Variants in FBXO21 observed in about 807,000 individuals in gnomAD.
FBXO21 encodes F-box only protein 21.
Under a neutral mutation model 76.6 loss-of-function variants are expected in FBXO21, and 32 were observed. That is an observed-to-expected ratio of 0.42 (90% CI 0.32 to 0.56). The LOEUF is 0.56. Ranked by LOEUF, FBXO21 falls within the 20% of genes least tolerant of loss-of-function variation. The probability of loss-of-function intolerance (pLI) is 0.16; values close to 1 mark genes in which losing one functional copy is unlikely to be tolerated. For missense variants in FBXO21, 586 were observed against 797.3 expected, an observed-to-expected ratio of 0.73 and a Z score of 3.19; for synonymous variants, 328 against 311.5, an observed-to-expected ratio of 1.05 and a Z score of -0.56.
intron 9 of FBXO21, among the ~76,000 whole-genome samples, chr12:117,165,049 GTCCAGTGGCT>G (rs555282726): frequency 9.5e-4 from 144 of 152,334 alleles, no homozygotes; most frequent in Middle Eastern, 6.8e-3. Context: ...TCCTTCTCTA[GTCCAGTGGCT>G]GGACTTGAAC....
In FBXO21 at chr12:117,146,297, C is replaced by T. The variant is rs371218324; in HGVS notation, c.1676-20G>A. 69 of 1,581,934 alleles carry T rather than the reference C, an allele frequency of 4.4e-5. No homozygotes were observed. The highest frequency in any genetic ancestry group is 1.1e-4 in the African/African-American group (8 of 73,792). On this transcript the variant is annotated intron_variant, in intron 11 of 11. Coordinates refer to ENST00000622495, the MANE Select transcript of FBXO21 (RefSeq NM_015002.3). The stretch of plus-strand genomic sequence containing the variant: ...AGTTTTCTGTTGGTAAAGAGGCACA[C>T]GGGCATTCTCATTACAATGTCCATT...
intron 11 of FBXO21, chr12:117,155,577 A>G (rs1193997302): frequency 3.3e-6 from 2 of 601,664 alleles, no homozygotes; most frequent in South Asian, 2.0e-5. Context: ...GCCCTGGGGG[A>G]GGGCGGGTAT....
chr12:117,175,615 C>T (rs1053747149), intron 4 of FBXO21, among the ~76,000 whole-genome samples: 1 of 152,216 alleles, frequency 6.6e-6, no homozygotes, highest in Non-Finnish European at 1.5e-5. Flanking sequence ...AGTGTTGCCA[C>T]CAGCCAGGGA....
chr12:117,173,511 A>T (rs1956139064), intron 6 of FBXO21, among the ~76,000 whole-genome samples: 2 of 152,266 alleles, frequency 1.3e-5, no homozygotes, highest in Admixed American at 6.5e-5. Flanking sequence ...AACTAGGCAG[A>T]AAGCAAATAA....
rs1956285177 is a variant in FBXO21 at position 117,186,548 on chromosome 12, G to A, written c.399C>T (p.Asp133=). ...TCTCTGGTCCTTCAAGGTTCTCAAT[G>A]TCACTGAAGCCATTACAAGGAACCT... ...SEHVPCNGFS[D]IENLEGPEIF... Residue 133 remains aspartate, a synonymous_variant, in exon 3 of 12, where the codon GAC becomes GAT. Transcript: ENST00000622495. 1.2e-6 allele frequency: 2 copies of A among 1,612,640 alleles called. No individual in the cohort carries two copies. The highest frequency in any genetic ancestry group is 1.7e-6 in the Non-Finnish European group (2 of 1,179,200).
chr12:117,181,496 C>T (rs1462808986), intron 3 of FBXO21, among the ~76,000 whole-genome samples: 1 of 152,178 alleles, frequency 6.6e-6, no homozygotes. Flanking sequence ...CATTCTGTGA[C>T]ACTTTTCTCA....
chr12:117,169,856 C>T (rs1042499785), intron 7 of FBXO21, among the ~76,000 whole-genome samples: 18 of 152,060 alleles, frequency 1.2e-4, no homozygotes, highest in Middle Eastern at 3.4e-3. Context: ...GGCAAGAGTC[C>T]CTGCTATCTT....
At chr12:117,163,624 T>G (rs185135658) in intron 9 of FBXO21, among the ~76,000 whole-genome samples, 3 of 151,438 alleles carry the variant, frequency 2.0e-5, no homozygotes, top group Non-Finnish European at 4.4e-5. Context: ...AAGTAAAAAG[T>G]GTATATATAT....
rs1955769795 is a variant in FBXO21 at position 117,146,282 on chromosome 12, T to C, written c.1676-5A>G. 1 of 1,599,280 alleles carries C rather than the reference T, an allele frequency of 6.3e-7. No individual in the cohort carries two copies. The highest frequency in any genetic ancestry group is 1.3e-5 in the African/African-American group (1 of 74,182). On this transcript the variant is annotated splice_region_variant and splice_polypyrimidine_tract_variant and intron_variant, in intron 11 of 11. Coordinates refer to ENST00000622495, the MANE Select transcript of FBXO21 (RefSeq NM_015002.3). ...CCACGTTATATTCCAAGTTTTCTGT[T>C]GGTAAAGAGGCACACGGGCATTCTC...
At chr12:117,153,373 TTTTC>T (rs1955868257) in intron 11 of FBXO21, among the ~76,000 whole-genome samples, 1 of 152,152 alleles carries the variant, frequency 6.6e-6, no homozygotes, top group African/African-American at 2.4e-5. Context: ...AGTTCATGTT[TTTTC>T]TTTCTTTACA....
At chr12:117,151,151 T>C (rs1450584437) in intron 11 of FBXO21, among the ~76,000 whole-genome samples, 1 of 152,042 alleles carries the variant, frequency 6.6e-6, no homozygotes. Context: ...AAGAACGAGA[T>C]TTTCACATGG....
intron 4 of FBXO21, among the ~76,000 whole-genome samples, chr12:117,176,144 C>G (rs1956171436): frequency 6.6e-6 from 1 of 152,144 alleles, no homozygotes. Flanking sequence ...ACAAGGACCA[C>G]AACACGGGAA....
rs761025781 is a variant in FBXO21 at position 117,142,673 on chromosome 12, C to CAAAAAAAAAAAAAAAA, written c.*3398_*3413dup. ...TCCAGTTGATGTCTCTCCTTCCCTC[C>CAAAAAAAAAAAAAAAA]AAAAAAAAAAAAAAAAAAAAAAGAC... On this transcript the variant is annotated 3_prime_UTR_variant, in exon 12 of 12. Coordinates refer to ENST00000622495, the MANE Select transcript of FBXO21 (RefSeq NM_015002.3). 3.0e-5 allele frequency: 3 copies of CAAAAAAAAAAAAAAAA among 100,674 alleles called. No homozygotes were observed. The highest frequency in any genetic ancestry group is 5.9e-5 in the Non-Finnish European group (3 of 50,690). 6.2% of individuals were successfully genotyped at this position (100,674 alleles called of 1,614,324 possible). A position where few individuals can be genotyped will look rare whatever the true frequency, so the allele number is the denominator to read the frequency against.
chr12:117,144,317 C>G lies in FBXO21; in HGVS notation c.*1770G>C, dbSNP rs1219083765. On this transcript the variant is annotated 3_prime_UTR_variant, in exon 12 of 12. Transcript: ENST00000622495. ...GTACAATCCTCCCAACCTTGGCGGG[C>G]CAGGTGCTGTGAGTGGTTACGTTTC... is the stretch of plus-strand genomic sequence containing the variant. 1 of 152,190 alleles carries G rather than the reference C, an allele frequency of 6.6e-6. No individual in the cohort carries two copies. The highest frequency in any genetic ancestry group is 1.5e-5 in the Non-Finnish European group (1 of 68,052). The allele number at this position is 152,190 out of a possible 1,614,324, so 9.4% of individuals were successfully genotyped here. A position where few individuals can be genotyped will look rare whatever the true frequency, so the allele number is the denominator to read the frequency against.
rs1448189583 is a variant in FBXO21 at position 117,190,199 on chromosome 12, C to A, written c.239+19G>T. 1.5e-6 allele frequency: 2 copies of A among 1,304,762 alleles called. No individual in the cohort carries two copies. The highest frequency in any genetic ancestry group is 9.8e-7 in the Non-Finnish European group (1 of 1,023,440). 80.8% of individuals were successfully genotyped at this position (1,304,762 alleles called of 1,614,324 possible). A position where few individuals can be genotyped will look rare whatever the true frequency, so the allele number is the denominator to read the frequency against. On this transcript the variant is annotated intron_variant, in intron 1 of 11. Coordinates refer to ENST00000622495, the MANE Select transcript of FBXO21 (RefSeq NM_015002.3). ...CGGGGCGGTGGGCGCGCAGCCGGGG[C>A]GCGGGGCCGCTGGCTCACCTCACCC...
At position 117,189,367 on chromosome 12, in the gene FBXO21, G is replaced by A. The variant is rs750468951; in HGVS notation, c.240-5C>T. On this transcript the variant is annotated splice_region_variant and splice_polypyrimidine_tract_variant and intron_variant, in intron 1 of 11. Coordinates refer to ENST00000622495, the MANE Select transcript of FBXO21 (RefSeq NM_015002.3). ...TGTTTCATAAGGGAAGGCCACCTAC[G>A]AGGAGAGAAACACCCCCTCAGCTTA... 6 of 1,613,976 alleles carry A rather than the reference G, an allele frequency of 3.7e-6. No homozygotes were observed. The Admixed American group carries it at 6.7e-5, about 18-fold the overall frequency.
chr12:117,187,170 C>T (rs1181827051), intron 2 of FBXO21, among the ~76,000 whole-genome samples: 1 of 151,856 alleles, frequency 6.6e-6, no homozygotes, highest in African/African-American at 2.4e-5. Flanking sequence ...CCTGTAATCC[C>T]AGCACTTCGG....
intron 11 of FBXO21, among the ~76,000 whole-genome samples, chr12:117,153,478 G>A (rs188258234): frequency 1.8e-3 from 271 of 152,330 alleles, no homozygotes; most frequent in African/African-American, 6.4e-3. Flanking sequence ...ACACATGCCC[G>A]GGGGCTGTTA....
rs766559914 is a variant in FBXO21, at chr12:117,172,574, T to G, written c.910A>C (p.Met304Leu). The G allele has an allele frequency of 1.2e-6, 2 of 1,613,772 alleles. No individual in the cohort carries two copies. Among genetic ancestry groups the G allele is most frequent in the Non-Finnish European group, 8.5e-7 (1 of 1,179,698 alleles). Reference protein sequence around the residue: ...LIRRTGIPISMSLLYLTIARQ... With the variant: ...LIRRTGIPISLSLLYLTIARQ... ...GCAATTGTCAAATAGAGCAGAGACA[T>G]GCTGATTGGGATTCCTGTTCTGCGA... The change falls in exon 7 of 12, where the codon ATG becomes CTG. Residue 304 changes from methionine to leucine, a missense_variant. By Grantham distance (15) the Met-to-Leu change is conservative. Around this residue, in one of 6 missense-constraint regions of FBXO21, gnomAD observed 246 missense variants for 356.8 expected, o/e 0.69. Transcript: ENST00000622495.
Sources: allele counts gnomAD v4.1 joint callset (sites outside exome capture counted in the v4.1 genomes callset), GRCh38; gene constraint gnomAD v4.1.1; regional missense constraint gnomAD v4.1.1; transcripts MANE v1.5; gene names NCBI Gene and HGNC (gene_info 2026-07-23, HGNC 2026-07-21).